The following MTRR variants were observed in gnomAD, a reference collection of about 807,000 sequenced individuals.
MTRR encodes the protein 5-methyltetrahydrofolate-homocysteine methyltransferase reductase, also known as methionine synthase reductase.
In MTRR, 63 loss-of-function variants were observed where a neutral mutation model predicts 79.2. The observed-to-expected ratio is 0.80, with a 90% CI of 0.65 to 0.98. MTRR has a LOEUF of 0.98. Ranked by LOEUF, MTRR falls within the 50% of genes least tolerant of loss-of-function variation. MTRR has a pLI of 0.00. For synonymous variants in MTRR, 355 were observed against 313.3 expected (o/e 1.13, Z -1.41); for missense variants, 895 against 839.6 (o/e 1.07, Z -0.82).
chr5:7,868,198 T>TG (rs1406632449), upstream of MTRR: 2 of 256,690 alleles, frequency 7.8e-6, no homozygotes, highest in South Asian at 1.9e-4. Flanking sequence ...AACGAGTATC[T>TG]GGAAAAAAAA....
chr5:7,897,583 T>TAG (rs1481331520), intron 14 of MTRR, among the ~76,000 whole-genome samples: 3 of 152,166 alleles, frequency 2.0e-5, no homozygotes, highest in African/African-American at 7.2e-5. Context: ...TATATAAGAA[T>TAG]AGGTGATTTG....
intron 7 of MTRR, among the ~76,000 whole-genome samples, chr5:7,886,325 C>T (rs1342576138): frequency 1.3e-5 from 2 of 151,962 alleles, no homozygotes; most frequent in African/African-American, 4.8e-5. Flanking sequence ...AAGAATAATG[C>T]TAATGGAGTA....
intron 11 of MTRR, among the ~76,000 whole-genome samples, chr5:7,894,050 A>C (rs1295735106): frequency 6.6e-6 from 1 of 152,222 alleles, no homozygotes; most frequent in Non-Finnish European, 1.5e-5. Context: ...ATGTGTGTCC[A>C]TCATGTATCG....
chr5:7,884,762 C>T (rs1386168475), intron 6 of MTRR, among the ~76,000 whole-genome samples: 2 of 152,070 alleles, frequency 1.3e-5, no homozygotes, highest in Non-Finnish European at 2.9e-5. Context: ...TCTTCAAAGT[C>T]ATTTAGCTCA....
At position 7,876,566 on chromosome 5, in the gene MTRR, T is replaced by C. The variant is rs576776915; in HGVS notation, c.401+1191T>C. ...TTTCAACCTAACTACCTTACTTGAA[T>C]TTTTCCTTTTTCTGAAATGAAGATA... On this transcript the variant is annotated intron_variant, in intron 4 of 14. Coordinates refer to ENST00000440940, the MANE Select transcript of MTRR (RefSeq NM_002454.3). Among the ~76,000 whole-genome samples, 16 of 152,332 alleles carry C rather than the reference T, an allele frequency of 1.1e-4. No homozygotes were observed. In the South Asian group the frequency reaches 1.2e-3, roughly 12 times the overall value.
chr5:7,857,864 CAGA>C (rs956090583), intron 1 of MTRR, among the ~76,000 whole-genome samples: 29 of 152,302 alleles, frequency 1.9e-4, no homozygotes, highest in Admixed American at 1.8e-3. Context: ...GTGAAAACTG[CAGA>C]AGGAGGAGCA....
chr5:7,886,538 T>C (rs1736462248), intron 7 of MTRR, 77 bp from the exon 8 acceptor site: 1 of 1,098,002 alleles, frequency 9.1e-7, no homozygotes, highest in Non-Finnish European at 1.4e-6. Context: ...ACAGTAATTG[T>C]GTTTTGGGGA....
chr5:7,894,354 G>T (rs190827386), intron 11 of MTRR, among the ~76,000 whole-genome samples: 2 of 152,362 alleles, frequency 1.3e-5, no homozygotes, highest in African/African-American at 4.8e-5. Context: ...CAGCCTGGCT[G>T]TGTGAACAGA....
At chr5:7,851,270 C>G (rs894381152) in exon 1 of MTRR, 7 of 392,032 alleles carry the variant, frequency 1.8e-5, no homozygotes, top group Non-Finnish European at 3.1e-5. Context: ...TTCCTTCCTC[C>G]TCGGGAGGAG....
chr5:7,887,742 ATG>A (rs1736743940), intron 8 of MTRR, among the ~76,000 whole-genome samples: 2 of 142,052 alleles, frequency 1.4e-5, no homozygotes, highest in African/African-American at 5.2e-5. Flanking sequence ...GTGTATATAT[ATG>A]TGTGTGTATA....
In MTRR at chr5:7,870,846, A is replaced by G. The variant is rs753325140; in HGVS notation, c.52A>G (p.Ile18Val). 7.4e-6 allele frequency: 12 copies of G among 1,614,148 alleles called. No individual in the cohort carries two copies. The Admixed American group carries it at 1.2e-4, about 16-fold the overall frequency. Residue 18 changes from isoleucine (I) to valine (V), a missense_variant, in exon 2 of 15, where the codon ATC becomes GTC. Coordinates refer to ENST00000440940, the MANE Select transcript of MTRR (RefSeq NM_002454.3). ...TACACAGCAGGGACAGGCAAAGGCC[A>G]TCGCAGAAGAAATATGTGAGCAAGC... The part of the protein sequence containing the change: ...YATQQGQAKA[I>V]AEEICEQAVV...
chr5:7,897,049 A>G lies in MTRR; in HGVS notation c.1770-16A>G, dbSNP rs1444470886. On this transcript the variant is annotated splice_polypyrimidine_tract_variant and intron_variant, in intron 13 of 14. Transcript: ENST00000440940. ...CTTGACAACCTTTTAGTGATCCATT[A>G]TATATTATATTTCAGAAAAGAGCTC... 1.2e-6 allele frequency: 2 copies of G among 1,612,738 alleles called. No individual in the cohort carries two copies. The highest frequency in any genetic ancestry group is 1.7e-6 in the Non-Finnish European group (2 of 1,178,824).
chr5:7,873,552 A>C (rs1267386688), intron 3 of MTRR, 26 bp downstream of exon 3: 1 of 1,609,128 alleles, frequency 6.2e-7, no homozygotes, highest in Admixed American at 1.7e-5. Context: ...TTCTGATCTT[A>C]CTATAGTATA....
At chr5:7,869,285 G>A in intron 1 of MTRR, 70 bp downstream of exon 1, 1 of 1,575,094 alleles carries the variant, frequency 6.3e-7, no homozygotes, top group Non-Finnish European at 8.6e-7. Context: ...TGGGAGAGGC[G>A]GCCCGGGGCG....
chr5:7,868,043 G>C, upstream of MTRR: 1 of 1,612,790 alleles, frequency 6.2e-7, no homozygotes, highest in Non-Finnish European at 8.5e-7. Flanking sequence ...CTGAAAATCA[G>C]ATAAACGATA....
At chr5:7,898,803 C>T (rs918146290) in intron 14 of MTRR, among the ~76,000 whole-genome samples, 77 of 152,160 alleles carry the variant, frequency 5.1e-4, no homozygotes, top group African/African-American at 1.6e-3. Context: ...TCTGACACTT[C>T]GCTTCATTCA....
At chr5:7,868,066 C>T, upstream of MTRR, 3 of 1,606,748 alleles carry the variant, frequency 1.9e-6, no homozygotes, top group Non-Finnish European at 2.5e-6. Flanking sequence ...GGTTCTTCCT[C>T]AAGGTGATTA....
chr5:7,866,398 T>C (rs1746950966), upstream of MTRR, among the ~76,000 whole-genome samples: 2 of 151,976 alleles, frequency 1.3e-5, no homozygotes. Context: ...TTACCATATC[T>C]CCTAAGAATG....
chr5:7,878,050 G>A lies in MTRR; in HGVS notation c.508G>A (p.Ala170Thr), dbSNP rs141053952. 4.3e-6 allele frequency: 7 copies of A among 1,613,704 alleles called. No homozygotes were observed. The highest frequency in any genetic ancestry group is 5.1e-6 in the Non-Finnish European group (6 of 1,179,984). Residue 170 changes from alanine (A) to threonine (T), a missense_variant, in exon 5 of 15, where the codon GCA (alanine) becomes ACA (threonine). Physicochemically the swap from Ala to Thr is moderately conservative, Grantham distance 58 (BLOSUM62 0). Coordinates refer to ENST00000440940, the MANE Select transcript of MTRR (RefSeq NM_002454.3). Reference sequence around the variant, plus strand: ...GGAGATAAGTGGCGCACTCCCGGTGGCATCACCTGCATCCTCGAGGACAGA... The same window carrying A: ...GGAGATAAGTGGCGCACTCCCGGTGACATCACCTGCATCCTCGAGGACAGA... ...QEEISGALPV[A>T]SPASSRTDLV... is the part of the protein sequence containing the mutation.
Sources: allele counts gnomAD v4.1 joint callset (sites outside exome capture counted in the v4.1 genomes callset), GRCh38; gene constraint gnomAD v4.1.1; transcripts MANE v1.5; gene names NCBI Gene and HGNC (gene_info 2026-07-23, HGNC 2026-07-21).